The following ATXN7 variants were observed in gnomAD, a reference collection of about 807,000 sequenced individuals.
ATXN7 encodes the protein ataxin 7.
ATXN7 carries 12 observed loss-of-function variants against 70.5 expected under a neutral mutation model. That is an observed-to-expected ratio of 0.17 (90% CI 0.11 to 0.28). ATXN7 has a LOEUF of 0.28. Ranked by LOEUF, ATXN7 falls within the 10% of genes least tolerant of loss-of-function variation. The pLI is 1.00. For missense variants in ATXN7, 1,256 were observed against 1,131.7 expected (o/e 1.11, Z -1.58); for synonymous variants, 498 against 448.7 (o/e 1.11, Z -1.39).
intron 5 of ATXN7, among the ~76,000 whole-genome samples, chr3:63,971,855 A>C (rs902491054): frequency 1.3e-5 from 2 of 152,242 alleles, no homozygotes; most frequent in Non-Finnish European, 2.9e-5. Context: ...TTAGTTGTGA[A>C]TAACAAAAGT....
intron 12 of ATXN7, chr3:63,997,779 CA>C: frequency 6.6e-7 from 1 of 1,504,220 alleles, no homozygotes. Flanking sequence ...CAGAAAATAC[CA>C]AGAAGTTTCT....
chr3:63,947,822 A>G (rs1212795289), intron 4 of ATXN7, among the ~76,000 whole-genome samples: 1 of 152,138 alleles, frequency 6.6e-6, no homozygotes, highest in Non-Finnish European at 1.5e-5. Context: ...AAGTGCAAGC[A>G]TAGAGTCTGG....
At chr3:63,886,767 G>A (rs755787447) in intron 1 of ATXN7, among the ~76,000 whole-genome samples, 1 of 152,172 alleles carries the variant, frequency 6.6e-6, no homozygotes, top group Non-Finnish European at 1.5e-5. Context: ...GGGAGCCTGA[G>A]GTAAATAAAA....
intron 12 of ATXN7, chr3:63,998,789 C>A: frequency 1.4e-6 from 1 of 728,832 alleles, no homozygotes; most frequent in Non-Finnish European, 1.7e-6. Flanking sequence ...TTAAAGAATG[C>A]TGCTGTTACA....
chr3:63,919,596 T>C (rs764132780), intron 4 of ATXN7, among the ~76,000 whole-genome samples: 13 of 151,914 alleles, frequency 8.6e-5, no homozygotes, highest in Admixed American at 2.6e-4. Context: ...TATCATTCAC[T>C]ATCTTTTTTT....
intron 1 of ATXN7, among the ~76,000 whole-genome samples, chr3:63,870,134 A>G (rs184202071): frequency 1.3e-5 from 2 of 152,350 alleles, no homozygotes; most frequent in East Asian, 3.9e-4. Context: ...ATAGCAGGAA[A>G]ACACTCATAG....
chr3:63,918,011 C>T (rs986203982), intron 4 of ATXN7, among the ~76,000 whole-genome samples: 1 of 152,194 alleles, frequency 6.6e-6, no homozygotes, highest in Non-Finnish European at 1.5e-5. Flanking sequence ...GACAGGACAT[C>T]ACCTCTCTTA....
intron 4 of ATXN7, among the ~76,000 whole-genome samples, chr3:63,933,249 C>CT (rs1001460335): frequency 4.6e-5 from 7 of 152,104 alleles, no homozygotes; most frequent in Admixed American, 1.3e-4. Flanking sequence ...CAGGCTCTAC[C>CT]TTTTTTTCCT....
intron 8 of ATXN7, among the ~76,000 whole-genome samples, chr3:63,983,840 G>T (rs764081318): frequency 7.2e-5 from 11 of 152,064 alleles, no homozygotes; most frequent in Non-Finnish European, 1.3e-4. Context: ...TCTCTGGAGG[G>T]TGTCCCCAGC....
intron 5 of ATXN7, among the ~76,000 whole-genome samples, chr3:63,954,649 TA>T (rs1215277237): frequency 2.0e-5 from 3 of 151,952 alleles, no homozygotes; most frequent in African/African-American, 7.2e-5. Flanking sequence ...ATTTTTTTTT[TA>T]ATCTTCTCAT....
intron 5 of ATXN7, among the ~76,000 whole-genome samples, chr3:63,966,086 T>C (rs532855025): frequency 3.9e-5 from 6 of 152,310 alleles, no homozygotes; most frequent in African/African-American, 1.4e-4. Flanking sequence ...CTGACTCTCA[T>C]AACGATATTT....
intron 2 of ATXN7, chr3:63,903,834 T>G (rs1453145316): frequency 1.3e-5 from 2 of 152,204 alleles, no homozygotes; most frequent in Non-Finnish European, 2.9e-5. Context: ...TGGCTGGTGG[T>G]GTCAGATTTT....
intron 11 of ATXN7, among the ~76,000 whole-genome samples, chr3:63,993,454 A>G (rs534748975): frequency 4.2e-4 from 64 of 151,226 alleles, no homozygotes; most frequent in African/African-American, 1.5e-3. Context: ...TCCGTCTCAA[A>G]AAAAAAAAAA....
chr3:63,955,183 C>T (rs1397846454), intron 5 of ATXN7, among the ~76,000 whole-genome samples: 1 of 152,212 alleles, frequency 6.6e-6, no homozygotes, highest in Admixed American at 6.5e-5. Flanking sequence ...TCTCCTGTGG[C>T]TTGGCAGGAG....
chr3:63,978,167 C>G (rs979176095), intron 5 of ATXN7, among the ~76,000 whole-genome samples: 5 of 152,186 alleles, frequency 3.3e-5, no homozygotes, highest in Admixed American at 2.6e-4. Context: ...GATGCCTAGT[C>G]CACACCCCAA....
In ATXN7 at chr3:63,988,717, G is replaced by A. The variant is rs76535763; in HGVS notation, c.1361+393G>A. Among the ~76,000 whole-genome samples the A allele has an allele frequency of 1.7e-3, 258 of 152,278 alleles. 1 individual carries two copies. The highest frequency in any genetic ancestry group is 8.1e-3 in the South Asian group (39 of 4,830). On this transcript the variant is annotated intron_variant, in intron 9 of 12. Coordinates refer to ENST00000674280, the MANE Select transcript of ATXN7 (RefSeq NM_001377405.1). ...TGGGAATTCTTGCTAGGGACAAGCCGTTTAGCCTGAGTTTTTACAGCATCC... is the reference window on the plus strand; with the variant it reads ...TGGGAATTCTTGCTAGGGACAAGCCATTTAGCCTGAGTTTTTACAGCATCC...
chr3:63,968,325 T>C (rs1374879758), intron 5 of ATXN7: 4 of 227,880 alleles, frequency 1.8e-5, no homozygotes, highest in Admixed American at 5.5e-5. Context: ...GAGTTTGTTA[T>C]TAACTCCAAC....
chr3:63,882,101 G>A (rs1702930581), intron 1 of ATXN7, among the ~76,000 whole-genome samples: 1 of 152,166 alleles, frequency 6.6e-6, no homozygotes, highest in South Asian at 2.1e-4. Flanking sequence ...CCAGCATTGT[G>A]AGGTGAGGAA....
intron 4 of ATXN7, among the ~76,000 whole-genome samples, chr3:63,929,767 A>T (rs1038660627): frequency 1.3e-5 from 2 of 151,922 alleles, no homozygotes; most frequent in African/African-American, 4.8e-5. Flanking sequence ...TTCATCAGAT[A>T]TTTTCTTTAG....
Sources: gnomAD v4.1 joint callset for allele counts (sites outside exome capture counted in the v4.1 genomes callset) on GRCh38, gnomAD v4.1.1 for gene constraint, MANE v1.5 for transcripts, NCBI Gene and HGNC (gene_info 2026-07-23, HGNC 2026-07-21) for gene names.